Variants in COL6A3 observed in about 807,000 individuals in gnomAD.
COL6A3 encodes collagen alpha-3(VI) chain.
In COL6A3, 137 loss-of-function variants were observed where a neutral mutation model predicts 274.1. The ratio of observed to expected loss-of-function variants is 0.50; its 90% CI spans 0.44 to 0.58. COL6A3 has a LOEUF of 0.58. COL6A3 is among the 20% of genes least tolerant of loss of function. COL6A3 has a pLI of 0.00. For missense variants in COL6A3, 3,950 were observed against 4,124.9 expected (o/e 0.96, Z 1.16); for synonymous variants, 1,650 against 1,650.6 (o/e 1.00, Z 0.01).
At chr2:237,341,511 T>G (rs886782755) in intron 37 of COL6A3, among the ~76,000 whole-genome samples, 2 of 119,902 alleles carry the variant, frequency 1.7e-5, no homozygotes, top group Non-Finnish European at 3.2e-5. Context: ...GCCACTGCAC[T>G]CCAGCCTGGG....
chr2:237,358,663 C>G, intron 20 of COL6A3, 80 bp from the exon 21 acceptor site: 1 of 1,238,236 alleles, frequency 8.1e-7, no homozygotes, highest in Non-Finnish European at 1.2e-6. Context: ...TTCTTCAACT[C>G]ATAAATCTTA....
At position 237,378,321 on chromosome 2, in the gene COL6A3, C is replaced by T. The variant is rs988211021; in HGVS notation, c.2497+315G>A. 2.6e-5 allele frequency among the ~76,000 whole-genome samples: 4 copies of T among 152,328 alleles called. 1 individual carries two copies. Among genetic ancestry groups the T allele is most frequent in the Admixed American group, 1.3e-4 (2 of 15,306 alleles). The stretch of plus-strand genomic sequence containing the variant: ...AATCTCTCTCTGTCTCCCTCCACCC[C>T]ATGATCCCCAAATCTGGATTCGAAC... On this transcript the variant is annotated intron_variant, in intron 6 of 43. Coordinates refer to ENST00000295550, the MANE Select transcript of COL6A3 (RefSeq NM_004369.4).
rs189162747 is a variant in COL6A3 at position 237,360,287 on chromosome 2, G to A, written c.6211-128C>T. 9.9e-5 allele frequency: 91 copies of A among 917,308 alleles called. No homozygotes were observed. In the East Asian group the frequency reaches 1.9e-3, roughly 20 times the overall value. 56.8% of individuals were successfully genotyped at this position (917,308 alleles called of 1,614,324 possible). On this transcript the variant is annotated intron_variant, in intron 16 of 43. Coordinates refer to ENST00000295550, the MANE Select transcript of COL6A3 (RefSeq NM_004369.4). ...GAAAGCAGATTTCACCATGGGGAAC[G>A]CCGATCGAGGCTACGTGAGCCAGGG...
Position 237,361,759 on chromosome 2 carries a change from T to C in COL6A3, c.6136A>G (p.Ile2046Val). ...CGTACCTTTGGCCCGATGCTGCCGA[T>C]GGGCCCGCGGTCTCCCCTCTGCCCA... ...CSGQRGDRGPIGSIGPKGIPG... is the reference protein window; with the variant it reads ...CSGQRGDRGPVGSIGPKGIPG... The change falls in exon 15 of 44, where the codon ATC becomes GTC. Residue 2046 changes from isoleucine (I) to valine (V), a missense_variant. By Grantham distance (29) the Ile-to-Val change is conservative (BLOSUM62 3). Coordinates refer to ENST00000295550, the MANE Select transcript of COL6A3 (RefSeq NM_004369.4). This position sits in a 1 kb window ranked among gnomAD's most constrained non-coding sequence, Gnocchi z 5.1. The C allele has an allele frequency of 7.4e-6, 12 of 1,614,198 alleles. No homozygotes were observed. Among genetic ancestry groups the C allele is most frequent in the Non-Finnish European group, 9.3e-6 (11 of 1,180,038 alleles).
At position 237,348,551 on chromosome 2, in the gene COL6A3, G is replaced by A. The variant is rs879152247; in HGVS notation, c.6930+62C>T. 73 of 1,515,320 alleles carry A rather than the reference G, an allele frequency of 4.8e-5. 2 individuals are homozygous for A. In the South Asian group the frequency reaches 7.2e-4, roughly 15 times the overall value. The allele number at this position is 1,515,320 out of a possible 1,614,324, so 93.9% of individuals were successfully genotyped here. On this transcript the variant is annotated intron_variant, in intron 29 of 43. Coordinates refer to ENST00000295550, the MANE Select transcript of COL6A3 (RefSeq NM_004369.4). ...AATTCTTTTAAAACACAACACATCA[G>A]AAGTTGTCCTTGGAGCCTCCTGGCA...
At chr2:237,387,447 C>T (rs2078171827) in intron 4 of COL6A3, 135 bp downstream of exon 4, 1 of 1,322,716 alleles carries the variant, frequency 7.6e-7, no homozygotes, top group Admixed American at 1.9e-5. Flanking sequence ...GGACCCAGCT[C>T]ATCAGGGAAG....
rs781087176 is a variant in COL6A3, at chr2:237,344,707, G to C, written c.7311C>G (p.Ser2437Arg). ...CCACCCGGGCCCCCCGTGGGCAGTT[G>C]CTCTCAGCAATGGTCAGGTCATTCA... ...SIVNDLTIAE[S>R]NCPRGARVAV... is the part of the protein sequence containing the mutation. Residue 2437 changes from serine to arginine, a missense_variant, in exon 36 of 44, where the codon AGC becomes AGG. Ser to Arg is a moderately radical substitution (Grantham distance 110). Transcript: ENST00000295550. This position sits in a 1 kb window ranked among gnomAD's most constrained non-coding sequence, Gnocchi z 4.8. 1.9e-6 allele frequency: 3 copies of C among 1,607,878 alleles called. No individual in the cohort carries two copies. The highest frequency in any genetic ancestry group is 2.5e-6 in the Non-Finnish European group (3 of 1,176,752).
chr2:237,341,161 GC>G lies in COL6A3; in HGVS notation c.7766-12del. 1.9e-6 allele frequency: 3 copies of G among 1,612,800 alleles called. No homozygotes were observed. Among genetic ancestry groups the G allele is most frequent in the Non-Finnish European group, 1.7e-6 (2 of 1,178,988 alleles). On this transcript the variant is annotated splice_polypyrimidine_tract_variant and intron_variant, in intron 37 of 43. Transcript: ENST00000295550. ...CGATGTTGCAGATGTCTAGAAAGAA[GC>G]ATGGCAGCCTATTTGTTCTGTGACA...
chr2:237,391,017 T>A (rs1238290185), intron 3 of COL6A3, among the ~76,000 whole-genome samples: 3 of 152,214 alleles, frequency 2.0e-5, no homozygotes, highest in Admixed American at 2.0e-4. Context: ...GTGTGTTTTA[T>A]AATCAAGAAC....
chr2:237,347,977 G>T, intron 30 of COL6A3, 108 bp from the exon 31 acceptor site: 1 of 1,002,324 alleles, frequency 1.0e-6, no homozygotes, highest in Non-Finnish European at 1.5e-6. Flanking sequence ...CTTTTCCCGG[G>T]CAGCCAAGTG....
intron 2 of COL6A3, 95 bp from the exon 3 acceptor site, chr2:237,395,299 T>C: frequency 2.3e-6 from 3 of 1,276,652 alleles, no homozygotes; most frequent in South Asian, 2.5e-5. Context: ...GTTTACACTA[T>C]ACTGCTACTA....
intron 3 of COL6A3, among the ~76,000 whole-genome samples, chr2:237,392,194 A>G (rs1259171387): frequency 6.6e-6 from 1 of 152,178 alleles, no homozygotes; most frequent in East Asian, 1.9e-4. Flanking sequence ...CATTTTATGA[A>G]CAAACTTCTG....
intron 2 of COL6A3, 104 bp from the exon 3 acceptor site, chr2:237,395,308 T>A: frequency 8.5e-7 from 1 of 1,170,024 alleles, no homozygotes; most frequent in Non-Finnish European, 1.2e-6. Flanking sequence ...ATACTGCTAC[T>A]AAACACTTCA....
intron 28 of COL6A3, 121 bp downstream of exon 28, chr2:237,350,026 A>T (rs533247230): frequency 2.1e-6 from 2 of 955,090 alleles, no homozygotes; most frequent in Non-Finnish European, 1.7e-6. Context: ...CAGTATTTCC[A>T]GCCGTATCCC....
intron 4 of COL6A3, among the ~76,000 whole-genome samples, chr2:237,383,756 G>A (rs1202815851): frequency 6.6e-6 from 1 of 152,016 alleles, no homozygotes; most frequent in Non-Finnish European, 1.5e-5. Flanking sequence ...TCTTGGGGTG[G>A]GAGAAGATAA....
chr2:237,337,535 C>G (rs145443235), intron 39 of COL6A3, among the ~76,000 whole-genome samples: 432 of 152,356 alleles, frequency 2.8e-3, no homozygotes, highest in Non-Finnish European at 3.9e-3. Context: ...GAGATGGGCT[C>G]TCTTTCCCCA....
intron 25 of COL6A3, 80 bp from the exon 26 acceptor site, chr2:237,352,664 A>G: frequency 7.4e-7 from 1 of 1,354,208 alleles, no homozygotes; most frequent in Non-Finnish European, 1.0e-6. Flanking sequence ...TGCCCATCCC[A>G]CAGGGCCTGG....
At position 237,341,413 on chromosome 2, in the gene COL6A3, G is replaced by A. The variant is rs111439101; in HGVS notation, c.7766-263C>T. The stretch of plus-strand genomic sequence containing the variant: ...ACAAAAATTAGCTGGGCCTGATGGC[G>A]CATGCCTGTAATCTAGGCTACTCTG... On this transcript the variant is annotated intron_variant, in intron 37 of 43. Transcript: ENST00000295550. Among the ~76,000 whole-genome samples the A allele has an allele frequency of 0.069, 10,412 of 151,928 alleles. 473 individuals carry two copies. Among genetic ancestry groups the A allele is most frequent in the Non-Finnish European group, 0.1 (6,949 of 67,956 alleles).
intron 40 of COL6A3, among the ~76,000 whole-genome samples, chr2:237,335,123 T>A (rs1700471839): frequency 6.6e-6 from 1 of 152,140 alleles, no homozygotes; most frequent in South Asian, 2.1e-4. Flanking sequence ...TTCATCAACT[T>A]TTTTTTCTAT....
Sources: gnomAD v4.1 joint callset for allele counts (sites outside exome capture counted in the v4.1 genomes callset) on GRCh38, gnomAD v4.1.1 for gene constraint, Gnocchi (gnomAD v3.1) non-coding constraint, MANE v1.5 for transcripts, NCBI Gene and HGNC (gene_info 2026-07-23, HGNC 2026-07-21) for gene names.